LHFPL3: variants seen among roughly 807,000 people sequenced by gnomAD.
The protein encoded by LHFPL3 is LHFPL tetraspan subfamily member 3 protein.
A neutral mutation model predicts 19.3 loss-of-function variants in LHFPL3; 5 were observed. That is an observed-to-expected ratio of 0.26 (90% CI 0.14 to 0.54). The LOEUF (loss-of-function observed/expected upper bound fraction) is 0.54, where lower values mean the gene tolerates loss of function less well. Among genes scored for constraint, LHFPL3 ranks in the 20% least tolerant of loss-of-function variants. LHFPL3 has a pLI of 0.94. For missense variants in LHFPL3, 249 were observed against 307.4 expected (o/e 0.81, Z 1.42); for synonymous variants, 133 against 126.2 (o/e 1.05, Z -0.36).
intron 1 of LHFPL3, among the ~76,000 whole-genome samples, chr7:104,688,722 C>T (rs1044397574): frequency 2.9e-4 from 44 of 152,264 alleles, no homozygotes; most frequent in African/African-American, 1.0e-3. Context: ...TCAGGACCCA[C>T]CCCAACACCC....
chr7:104,584,766 A>G (rs940000762), intron 1 of LHFPL3, among the ~76,000 whole-genome samples: 12 of 152,146 alleles, frequency 7.9e-5, no homozygotes, highest in African/African-American at 2.9e-4. Flanking sequence ...TAAGTCGTCA[A>G]ACTAAAAGAA....
intron 1 of LHFPL3, among the ~76,000 whole-genome samples, chr7:104,656,559 G>A (rs998134588): frequency 1.3e-5 from 2 of 152,184 alleles, no homozygotes; most frequent in Non-Finnish European, 2.9e-5. Context: ...GATCGTGCAT[G>A]GGCATCTTTC....
At chr7:104,470,281 G>T (rs975386173) in intron 1 of LHFPL3, among the ~76,000 whole-genome samples, 2 of 152,172 alleles carry the variant, frequency 1.3e-5, no homozygotes, top group Admixed American at 1.3e-4. Flanking sequence ...TCTCCTGTGG[G>T]ATAATTCTGA....
At chr7:104,636,163 G>T (rs1236392469) in intron 1 of LHFPL3, among the ~76,000 whole-genome samples, 1 of 152,120 alleles carries the variant, frequency 6.6e-6, no homozygotes, top group African/African-American at 2.4e-5. Context: ...ATTATATTGG[G>T]AGGAGAGGAA....
intron 2 of LHFPL3, among the ~76,000 whole-genome samples, chr7:104,898,006 CTTTTTT>C (rs71155536): frequency 1.0e-5 from 1 of 96,806 alleles, no homozygotes; most frequent in Non-Finnish European, 1.9e-5. Flanking sequence ...AATGTCACCC[CTTTTTT>C]TTTTTTTTTT....
At chr7:104,634,669 T>C (rs2115863412) in intron 1 of LHFPL3, among the ~76,000 whole-genome samples, 1 of 152,192 alleles carries the variant, frequency 6.6e-6, no homozygotes, top group Non-Finnish European at 1.5e-5. Flanking sequence ...TCTCCTAAGC[T>C]GAAGACTGTG....
At chr7:104,603,362 A>G (rs1397233794) in intron 1 of LHFPL3, among the ~76,000 whole-genome samples, 1 of 151,966 alleles carries the variant, frequency 6.6e-6, no homozygotes, top group African/African-American at 2.4e-5. Context: ...AACCTGGCTA[A>G]CTTTTTAAGT....
At chr7:104,356,431 T>C (rs770396193) in intron 1 of LHFPL3, among the ~76,000 whole-genome samples, 1 of 152,234 alleles carries the variant, frequency 6.6e-6, no homozygotes, top group Non-Finnish European at 1.5e-5. Context: ...GGAGTCATCC[T>C]TTCCTGACTT....
At chr7:104,518,915 A>G (rs1484120027) in intron 1 of LHFPL3, among the ~76,000 whole-genome samples, 2 of 152,206 alleles carry the variant, frequency 1.3e-5, no homozygotes, top group Non-Finnish European at 2.9e-5. Context: ...TGTAACTAAT[A>G]AAAATTTTGG....
rs1791942497 is a variant in LHFPL3 at position 104,430,384 on chromosome 7, A to ATATATGTG, written c.445+101165_445+101166insGTGTATAT. Among the ~76,000 whole-genome samples, 3 of 36,066 alleles carry ATATATGTG rather than the reference A, an allele frequency of 8.3e-5. 1 individual carries two copies. The highest frequency in any genetic ancestry group is 5.9e-4 in the African/African-American group (3 of 5,120). 23.7% of individuals were successfully genotyped at this position (36,066 alleles called of 152,430 possible). A position where few individuals can be genotyped will look rare whatever the true frequency, so the allele number is the denominator to read the frequency against. On this transcript the variant is annotated intron_variant, in intron 1 of 2. Coordinates refer to ENST00000424859, the MANE Select transcript of LHFPL3 (RefSeq NM_199000.3). ...CATTTCTGTGGGTATATATATATAC[A>ATATATGTG]TATATATATATATATATATACATAT...
chr7:104,660,551 A>G (rs1382031752), intron 1 of LHFPL3, among the ~76,000 whole-genome samples: 5 of 152,228 alleles, frequency 3.3e-5, no homozygotes, highest in Non-Finnish European at 5.9e-5. Context: ...CAGAAGGTAC[A>G]TGATTTGGGT....
At chr7:104,695,434 A>G (rs1792980170) in intron 1 of LHFPL3, among the ~76,000 whole-genome samples, 1 of 152,254 alleles carries the variant, frequency 6.6e-6, no homozygotes, top group Non-Finnish European at 1.5e-5. Flanking sequence ...AAGAGGGTAT[A>G]TAACCTTTTT....
intron 1 of LHFPL3, among the ~76,000 whole-genome samples, chr7:104,358,872 T>A (rs1160188649): frequency 2.0e-5 from 3 of 152,240 alleles, no homozygotes; most frequent in Non-Finnish European, 4.4e-5. Flanking sequence ...CCTCTGTGTA[T>A]AGCATGAGCT....
intron 1 of LHFPL3, among the ~76,000 whole-genome samples, chr7:104,719,343 T>A (rs1793445641): frequency 6.6e-6 from 1 of 152,072 alleles, no homozygotes; most frequent in African/African-American, 2.4e-5. Context: ...AATGTTTAGC[T>A]AACATAAAGC....
intron 1 of LHFPL3, among the ~76,000 whole-genome samples, chr7:104,479,091 C>G (rs1363674961): frequency 6.6e-6 from 1 of 152,116 alleles, no homozygotes; most frequent in Non-Finnish European, 1.5e-5. Context: ...GCTGTTATCT[C>G]TAGCTCATGT....
At chr7:104,788,399 A>C (rs765990636) in intron 2 of LHFPL3, among the ~76,000 whole-genome samples, 2 of 152,220 alleles carry the variant, frequency 1.3e-5, no homozygotes, top group Non-Finnish European at 2.9e-5. Context: ...AACTTAGCAC[A>C]GTCTTCACAC....
chr7:104,808,383 G>A (rs1790406215), intron 2 of LHFPL3, among the ~76,000 whole-genome samples: 1 of 152,138 alleles, frequency 6.6e-6, no homozygotes, highest in Non-Finnish European at 1.5e-5. Flanking sequence ...AGACTACATT[G>A]CCTGAGGTCA....
At chr7:104,475,639 T>C (rs554597050) in intron 1 of LHFPL3, among the ~76,000 whole-genome samples, 1 of 152,326 alleles carries the variant, frequency 6.6e-6, no homozygotes, top group African/African-American at 2.4e-5. Context: ...TGTGGCCAAG[T>C]ATGTCTATGA....
intron 1 of LHFPL3, among the ~76,000 whole-genome samples, chr7:104,597,522 T>C (rs1790886479): frequency 6.6e-6 from 1 of 152,184 alleles, no homozygotes; most frequent in Non-Finnish European, 1.5e-5. Flanking sequence ...CTCTACTTTA[T>C]TCCATTATAC....
Sources: gnomAD v4.1 joint callset for allele counts (sites outside exome capture counted in the v4.1 genomes callset) on GRCh38, gnomAD v4.1.1 for gene constraint, MANE v1.5 for transcripts, NCBI Gene and HGNC (gene_info 2026-07-23, HGNC 2026-07-21) for gene names.